Variants in CNTN5 observed in about 807,000 individuals in gnomAD.
CNTN5 encodes the protein contactin 5.
CNTN5 carries 77 observed loss-of-function variants against 129.1 expected under a neutral mutation model. That is an observed-to-expected ratio of 0.60 (90% CI 0.50 to 0.72). CNTN5 has a LOEUF of 0.72. Among genes scored for constraint, CNTN5 ranks in the 30% least tolerant of loss-of-function variants. CNTN5 has a pLI of 0.00. For synonymous variants in CNTN5, 509 were observed against 465.6 expected (o/e 1.09, Z -1.20); for missense variants, 1,478 against 1,328.8 (o/e 1.11, Z -1.75).
intron 7 of CNTN5, among the ~76,000 whole-genome samples, chr11:99,922,967 A>G (rs192035516): frequency 1.3e-5 from 2 of 152,312 alleles, no homozygotes; most frequent in Admixed American, 6.5e-5. Context: ...TATCACATTC[A>G]TGTATTGCTA....
chr11:99,123,748 T>G (rs180915602), intron 1 of CNTN5, among the ~76,000 whole-genome samples: 1 of 151,998 alleles, frequency 6.6e-6, no homozygotes, highest in East Asian at 1.9e-4. Flanking sequence ...GGGGTCCAAT[T>G]TCAATCTTCT....
intron 13 of CNTN5, among the ~76,000 whole-genome samples, chr11:100,094,294 C>A (rs1053024898): frequency 2.6e-5 from 4 of 152,042 alleles, no homozygotes; most frequent in African/African-American, 9.7e-5. Context: ...GTGTATCTTG[C>A]TCCTCCCCCT....
intron 10 of CNTN5, among the ~76,000 whole-genome samples, chr11:100,066,993 T>C (rs1943721220): frequency 1.3e-5 from 2 of 152,116 alleles, no homozygotes; most frequent in South Asian, 4.1e-4. Context: ...GTTTTTAATG[T>C]TTTATTTTAA....
chr11:99,416,261 A>C (rs1942650588), intron 2 of CNTN5, among the ~76,000 whole-genome samples: 1 of 152,124 alleles, frequency 6.6e-6, no homozygotes, highest in Non-Finnish European at 1.5e-5. Flanking sequence ...CTAAACTTTT[A>C]CATAAAAAAG....
chr11:99,306,294 T>G (rs1347916918), intron 1 of CNTN5, among the ~76,000 whole-genome samples: 1 of 152,168 alleles, frequency 6.6e-6, no homozygotes, highest in African/African-American at 2.4e-5. Context: ...ACTTATCAAA[T>G]AGGAGCTTCA....
intron 1 of CNTN5, among the ~76,000 whole-genome samples, chr11:99,204,300 C>T (rs1302774982): frequency 6.6e-6 from 1 of 152,158 alleles, no homozygotes; most frequent in African/African-American, 2.4e-5. Flanking sequence ...AAAAACCATA[C>T]ATATCTAGGT....
chr11:99,135,285 C>T (rs1204379344), intron 1 of CNTN5, among the ~76,000 whole-genome samples: 1 of 151,990 alleles, frequency 6.6e-6, no homozygotes, highest in Non-Finnish European at 1.5e-5. Flanking sequence ...TGTAATACAT[C>T]CTCTGCAGTA....
intron 1 of CNTN5, among the ~76,000 whole-genome samples, chr11:99,225,085 G>T (rs774043419): frequency 1.3e-5 from 2 of 152,084 alleles, no homozygotes; most frequent in Non-Finnish European, 1.5e-5. Flanking sequence ...TATTAGAAAT[G>T]ACATTTACAA....
intron 6 of CNTN5, among the ~76,000 whole-genome samples, chr11:99,897,117 A>G (rs1270389373): frequency 6.6e-6 from 1 of 152,220 alleles, no homozygotes; most frequent in East Asian, 1.9e-4. Context: ...CAAATAAAGA[A>G]AAAAATTTAA....
Position 99,030,687 on chromosome 11 carries a change from AT to A in CNTN5, c.-210+9423del, listed in dbSNP as rs1339960933. ...ATTAATAATGTTCCCCAATTATATT[AT>A]TTTTTCACTTTTATTGTCTGTTTTG... On this transcript the variant is annotated intron_variant, in intron 1 of 24. Coordinates refer to ENST00000524871, the MANE Select transcript of CNTN5 (RefSeq NM_014361.4). Among the ~76,000 whole-genome samples, 4 of 151,098 alleles carry A rather than the reference AT, an allele frequency of 2.6e-5. No homozygotes were observed. The East Asian group carries it at 5.9e-4, about 22-fold the overall frequency.
At chr11:99,307,205 A>G (rs948364687) in intron 1 of CNTN5, among the ~76,000 whole-genome samples, 1 of 152,242 alleles carries the variant, frequency 6.6e-6, no homozygotes, top group African/African-American at 2.4e-5. Flanking sequence ...GATCACTGTA[A>G]CAAATAATTA....
Position 100,029,580 on chromosome 11 carries a change from C to CAA in CNTN5, c.980+27452_980+27453dup, listed in dbSNP as rs34086059. ...CCTGGGCAACAGCGAGACTCCATCT[C>CAA]AAAAAAAAAGAAAAAACATGCTAAT... On this transcript the variant is annotated intron_variant, in intron 9 of 24. Coordinates refer to ENST00000524871, the MANE Select transcript of CNTN5 (RefSeq NM_014361.4). 1.1e-3 allele frequency among the ~76,000 whole-genome samples: 157 copies of CAA among 148,662 alleles called. 3 individuals carry two copies. The East Asian group carries it at 0.019, about 18-fold the overall frequency.
intron 1 of CNTN5, among the ~76,000 whole-genome samples, chr11:99,185,049 A>C (rs932829831): frequency 1.3e-5 from 2 of 151,978 alleles, no homozygotes; most frequent in Non-Finnish European, 2.9e-5. Context: ...AAAGAAGAAA[A>C]AGAAAAAAAT....
chr11:99,727,032 C>T (rs544873285), intron 3 of CNTN5, among the ~76,000 whole-genome samples: 3 of 152,096 alleles, frequency 2.0e-5, no homozygotes, highest in East Asian at 1.9e-4. Context: ...CATGGCCGGG[C>T]GCGGTGGCTC....
chr11:100,227,319 A>G (rs1297785536), intron 16 of CNTN5, among the ~76,000 whole-genome samples: 2 of 152,086 alleles, frequency 1.3e-5, no homozygotes, highest in Non-Finnish European at 2.9e-5. Flanking sequence ...CAATTCTTCA[A>G]CCTTGCCGCT....
chr11:99,029,551 C>G (rs540785753), intron 1 of CNTN5, among the ~76,000 whole-genome samples: 1 of 152,038 alleles, frequency 6.6e-6, no homozygotes, highest in Non-Finnish European at 1.5e-5. Context: ...ATGGATTAAA[C>G]TGACTTCTTA....
intron 1 of CNTN5, among the ~76,000 whole-genome samples, chr11:99,291,110 T>A: frequency 6.6e-6 from 1 of 151,916 alleles, no homozygotes; most frequent in East Asian, 1.9e-4. Context: ...ATTCTCTAAT[T>A]TATTTAACAA....
intron 6 of CNTN5, among the ~76,000 whole-genome samples, chr11:99,850,221 C>A (rs1167854409): frequency 3.3e-5 from 5 of 152,042 alleles, no homozygotes; most frequent in Admixed American, 1.3e-4. Context: ...CATATTTTTT[C>A]TTTTAATAAA....
chr11:99,530,493 A>C (rs1489871200), intron 2 of CNTN5, among the ~76,000 whole-genome samples: 1 of 152,222 alleles, frequency 6.6e-6, no homozygotes, highest in African/African-American at 2.4e-5. Flanking sequence ...AAGATAAGCC[A>C]AACTTTCCAC....
Sources: gnomAD v4.1 joint callset for allele counts (sites outside exome capture counted in the v4.1 genomes callset) on GRCh38, gnomAD v4.1.1 for gene constraint, MANE v1.5 for transcripts, NCBI Gene and HGNC (gene_info 2026-07-23, HGNC 2026-07-21) for gene names.